The following ZNF469 variants were observed in gnomAD, a reference collection of about 807,000 sequenced individuals.
ZNF469 encodes zinc finger protein 469.
In ZNF469, 1 loss-of-function variant was observed where a neutral mutation model predicts 1.0. That is an observed-to-expected ratio of 1.00 (90% confidence interval 0.35 to 4.73). The LOEUF is 4.73. Ranked by LOEUF, ZNF469 falls within the 30% of genes most tolerant of loss-of-function variation. The pLI, the probability that ZNF469 is intolerant of heterozygous loss-of-function variation, is 0.16. For missense variants in ZNF469, 6,100 were observed against 5,356.3 expected, an observed-to-expected ratio of 1.14 and a Z score of -4.33; for synonymous variants, 2,703 against 2,363.4, an observed-to-expected ratio of 1.14 and a Z score of -4.17.
the ZNF469 span, among the ~76,000 whole-genome samples, chr16:88,365,883 T>C: frequency 6.6e-6 from 1 of 152,192 alleles, no homozygotes; most frequent in East Asian, 1.9e-4. Flanking sequence ...CCTTCCCAGA[T>C]TGAGTTCTGC....
chr16:88,327,559 G>A, the ZNF469 span, among the ~76,000 whole-genome samples: 3 of 152,072 alleles, frequency 2.0e-5, no homozygotes, highest in Non-Finnish European at 2.9e-5. Flanking sequence ...GGGTTGGGGG[G>A]GGGTCTGTGC....
chr16:88,148,544 C>T, the ZNF469 span, among the ~76,000 whole-genome samples: 4,227 of 152,284 alleles, frequency 0.028, 220 homozygotes, highest in African/African-American at 0.096. Flanking sequence ...GCACCAATGT[C>T]TCTGTGAATT....
the ZNF469 span, among the ~76,000 whole-genome samples, chr16:88,228,338 C>T: frequency 2.6e-5 from 4 of 152,352 alleles, no homozygotes; most frequent in Non-Finnish European, 4.4e-5. Context: ...GCACACACGG[C>T]GCCTGGCATG....
the ZNF469 span, among the ~76,000 whole-genome samples, chr16:88,273,461 T>C: frequency 6.6e-6 from 1 of 151,916 alleles, no homozygotes; most frequent in African/African-American, 2.4e-5. Context: ...TCACGCCCAT[T>C]AAGATAATTA....
chr16:88,214,169 G>C, the ZNF469 span, among the ~76,000 whole-genome samples: 1 of 152,166 alleles, frequency 6.6e-6, no homozygotes, highest in Non-Finnish European at 1.5e-5. Context: ...ATTAATACAA[G>C]GGAAAGCTAC....
chr16:88,347,297 G>T, the ZNF469 span, among the ~76,000 whole-genome samples: 1 of 152,024 alleles, frequency 6.6e-6, no homozygotes, highest in Admixed American at 6.6e-5. Context: ...CCCGTGCACG[G>T]GCCCTTCTTT....
At chr16:88,307,102 A>T in the ZNF469 span, among the ~76,000 whole-genome samples, 6 of 152,140 alleles carry the variant, frequency 3.9e-5, no homozygotes, top group African/African-American at 1.4e-4. Flanking sequence ...ATCATACCAC[A>T]CATGGCCCTT....
At chr16:88,239,454 G>C in the ZNF469 span, among the ~76,000 whole-genome samples, 1 of 150,110 alleles carries the variant, frequency 6.7e-6, no homozygotes, top group African/African-American at 2.4e-5. Context: ...GATGGGATCA[G>C]GAATGGGTCT....
the ZNF469 span, among the ~76,000 whole-genome samples, chr16:88,125,130 G>A: frequency 5.3e-5 from 8 of 152,234 alleles, no homozygotes; most frequent in South Asian, 2.1e-4. Flanking sequence ...TTGTTGAGAA[G>A]AATGTTCTTT....
At chr16:88,155,406 A>G in the ZNF469 span, among the ~76,000 whole-genome samples, 1 of 152,240 alleles carries the variant, frequency 6.6e-6, no homozygotes, top group Non-Finnish European at 1.5e-5. Flanking sequence ...CCAGCACCAA[A>G]TCAATTTTAG....
the ZNF469 span, among the ~76,000 whole-genome samples, chr16:88,319,696 C>A: frequency 6.6e-6 from 1 of 152,202 alleles, no homozygotes; most frequent in South Asian, 2.1e-4. Context: ...GCAAACTCGA[C>A]GCCTTGGGTT....
rs971155329 is a variant in ZNF469 at position 88,433,671 on chromosome 16, G to T, written c.6201G>T (p.Ala2067=). 3.2e-6 allele frequency: 5 copies of T among 1,549,730 alleles called. No individual in the cohort carries two copies. The African/African-American group carries it at 6.8e-5, about 21-fold the overall frequency. ...CGTCCCCTAATAGGGAGTCCCTGGC[G>T]CTGGCCTTGACAGCAGCCCACAGCC... ...SPPSPNRESL[A]LALTAAHSRS... is the part of the protein sequence containing the mutation. Residue 2067 remains alanine (A), a synonymous_variant, in exon 3 of 3, where the codon GCG becomes GCT. Coordinates refer to ENST00000565624, the MANE Select transcript of ZNF469 (RefSeq NM_001367624.2).
At chr16:88,414,442 T>G (rs1397034849) in intron 1 of ZNF469, among the ~76,000 whole-genome samples, 1 of 152,160 alleles carries the variant, frequency 6.6e-6, no homozygotes, top group Non-Finnish European at 1.5e-5. Flanking sequence ...GACCGCAGAC[T>G]CGAGTTGTTG....
At chr16:88,241,262 G>A in the ZNF469 span, among the ~76,000 whole-genome samples, 1 of 151,982 alleles carries the variant, frequency 6.6e-6, no homozygotes, top group Non-Finnish European at 1.5e-5. The surrounding 1 kb of genome is among the most constrained non-coding windows in gnomAD (Gnocchi z 4.8). Context: ...AGGAGGTTGA[G>A]GCAGGAGAAT....
chr16:88,283,004 C>T, the ZNF469 span, among the ~76,000 whole-genome samples: 752 of 152,272 alleles, frequency 4.9e-3, 4 homozygotes, highest in African/African-American at 0.017. Context: ...CGATTCCCTC[C>T]GGAGTTTGGC....
the ZNF469 span, among the ~76,000 whole-genome samples, chr16:88,148,080 G>A: frequency 0.18 from 25,989 of 146,920 alleles, 2,721 homozygotes; most frequent in East Asian, 0.5. Context: ...GCAGTGGGGC[G>A]GCGACTGCAG....
chr16:88,275,014 C>T, the ZNF469 span, among the ~76,000 whole-genome samples: 1 of 152,226 alleles, frequency 6.6e-6, no homozygotes, highest in East Asian at 1.9e-4. Flanking sequence ...GCCTTAAAGA[C>T]AGAGTGAGTG....
chr16:88,335,192 C>T, the ZNF469 span, among the ~76,000 whole-genome samples: 5 of 152,166 alleles, frequency 3.3e-5, no homozygotes, highest in African/African-American at 7.2e-5. Context: ...TGCCAGGAAA[C>T]CAGGCCAGGC....
chr16:88,317,211 C>T, the ZNF469 span, among the ~76,000 whole-genome samples: 3 of 152,176 alleles, frequency 2.0e-5, no homozygotes, highest in South Asian at 2.1e-4. Context: ...GGTGGGGAGC[C>T]GAAGCAGTTC....
Sources: gnomAD v4.1 joint callset for allele counts (sites outside exome capture counted in the v4.1 genomes callset) on GRCh38, gnomAD v4.1.1 for gene constraint, Gnocchi (gnomAD v3.1) non-coding constraint, MANE v1.5 for transcripts, NCBI Gene and HGNC (gene_info 2026-07-23, HGNC 2026-07-21) for gene names.